The following GNB1 variants were observed in gnomAD, a reference collection of about 807,000 sequenced individuals.
GNB1 encodes guanine nucleotide-binding protein G(I)/G(S)/G(T) subunit beta-1.
GNB1 carries 2 observed loss-of-function variants against 42.9 expected under a neutral mutation model. The ratio of observed to expected loss-of-function variants is 0.05; its 90% CI spans 0.02 to 0.15. The LOEUF (loss-of-function observed/expected upper bound fraction) is 0.15, where lower values mean the gene tolerates loss of function less well. GNB1 is among the 10% of genes least tolerant of loss of function. The probability of loss-of-function intolerance (pLI) is 1.00; values close to 1 mark genes in which losing one functional copy is unlikely to be tolerated. For synonymous variants in GNB1, 183 were observed against 174.7 expected (o/e 1.05, Z -0.38); for missense variants, 193 against 462.2 (o/e 0.42, Z 5.34).
intron 1 of GNB1, among the ~76,000 whole-genome samples, chr1:1,848,940 A>C (rs1311965635): frequency 6.6e-6 from 1 of 152,244 alleles, no homozygotes; most frequent in African/African-American, 2.4e-5. Context: ...TTCCGGAGTG[A>C]TAGGCATGTC....
In GNB1 at chr1:1,827,915, T is replaced by C. The variant is rs958780457; in HGVS notation, c.-46-2416A>G. Among the ~76,000 whole-genome samples the C allele has an allele frequency of 3.3e-5, 5 of 152,256 alleles. 1 individual carries two copies. Among genetic ancestry groups the C allele is most frequent in the Admixed American group, 2.0e-4 (3 of 15,292 alleles). ...AAACTGTTTTAGTTAACACACACAG[T>C]TTCTGATCATTTAAACACTAAAAAG... is the stretch of plus-strand genomic sequence containing the variant. On this transcript the variant is annotated intron_variant, in intron 2 of 11. Transcript: ENST00000378609.
At chr1:1,802,763 T>TAA (rs374872245) in intron 7 of GNB1, among the ~76,000 whole-genome samples, 34,450 of 137,312 alleles carry the variant, frequency 0.25, 4,331 homozygotes, top group Non-Finnish European at 0.27. Flanking sequence ...GACTCCATCT[T>TAA]AAAAAAAAAA....
rs375448811 is a variant in GNB1 at position 1,845,397 on chromosome 1, C to G, written c.-95-6159G>C. On this transcript the variant is annotated intron_variant, in intron 1 of 11. Coordinates refer to ENST00000378609, the MANE Select transcript of GNB1 (RefSeq NM_002074.5). ...GACCATCCTAGCTAACTCAGTGAAACCCCGTCTCTACTAAAAATACAAAAA... is the reference window on the plus strand; with the variant it reads ...GACCATCCTAGCTAACTCAGTGAAAGCCCGTCTCTACTAAAAATACAAAAA... Among the ~76,000 whole-genome samples, 28 of 152,186 alleles carry G rather than the reference C, an allele frequency of 1.8e-4. 1 individual carries two copies. In the South Asian group the frequency reaches 3.7e-3, roughly 20 times the overall value.
At chr1:1,862,189 T>G (rs111295491) in intron 1 of GNB1, among the ~76,000 whole-genome samples, 2,397 of 152,286 alleles carry the variant, frequency 0.016, 66 homozygotes, top group African/African-American at 0.054. Flanking sequence ...GCCACTGCAC[T>G]CCGCCTGGGT....
Position 1,875,846 on chromosome 1 carries a change from C to G in GNB1, c.-96+14974G>C, listed in dbSNP as rs558591260. Among the ~76,000 whole-genome samples, 1,389 of 152,158 alleles carry G rather than the reference C, an allele frequency of 9.1e-3. 23 individuals are homozygous for G. Among genetic ancestry groups the G allele is most frequent in the African/African-American group, 0.031 (1,280 of 41,498 alleles). ...AGCAGGTTCAACAGTGTCCCCCCCC[C>G]CAAAATTCATGTCTACCTGGAACCT... On this transcript the variant is annotated intron_variant, in intron 1 of 11. Transcript: ENST00000378609.
intron 1 of GNB1, among the ~76,000 whole-genome samples, chr1:1,880,987 A>G (rs1025216795): frequency 6.7e-6 from 1 of 150,196 alleles, no homozygotes; most frequent in Non-Finnish European, 1.5e-5. Flanking sequence ...AGGAAGGGAT[A>G]CATGACAAAT....
chr1:1,869,505 G>A (rs1296928137), intron 1 of GNB1, among the ~76,000 whole-genome samples: 1 of 152,176 alleles, frequency 6.6e-6, no homozygotes. Context: ...AGGTCCATCA[G>A]GAACTGGAGC....
chr1:1,790,822 T>A lies in GNB1; in HGVS notation c.498-226A>T, dbSNP rs1289050626. Reference sequence around the variant, plus strand: ...ACAGAGATGAGCACAGGGCCTGGGCTTCAGAATGACGGGATCGCTACCTCA... The same window carrying A: ...ACAGAGATGAGCACAGGGCCTGGGCATCAGAATGACGGGATCGCTACCTCA... On this transcript the variant is annotated intron_variant, in intron 8 of 11. Transcript: ENST00000378609. This position sits in a 1 kb window ranked among gnomAD's most constrained non-coding sequence, Gnocchi z 5.4. 2.0e-5 allele frequency among the ~76,000 whole-genome samples: 3 copies of A among 152,142 alleles called. No individual in the cohort carries two copies. Among genetic ancestry groups the A allele is most frequent in the African/African-American group, 7.2e-5 (3 of 41,442 alleles).
chr1:1,853,841 T>C (rs956137279), intron 1 of GNB1, among the ~76,000 whole-genome samples: 1 of 152,134 alleles, frequency 6.6e-6, no homozygotes, highest in African/African-American at 2.4e-5. Flanking sequence ...CAGAGTAAAG[T>C]AAGCACAAAT....
chr1:1,841,908 C>T (rs181981621), intron 1 of GNB1, among the ~76,000 whole-genome samples: 236 of 152,320 alleles, frequency 1.5e-3, no homozygotes, highest in African/African-American at 5.6e-3. Context: ...ATGTTCTTAG[C>T]AGCAGTACTC....
At chr1:1,808,695 G>A (rs1646735728) in intron 5 of GNB1, among the ~76,000 whole-genome samples, 1 of 152,158 alleles carries the variant, frequency 6.6e-6, no homozygotes, top group Non-Finnish European at 1.5e-5. Context: ...CCAGGCTGGA[G>A]TGCAGTGGTG....
At position 1,838,280 on chromosome 1, in the gene GNB1, A is replaced by G. The variant is rs535470889; in HGVS notation, c.-47+910T>C. On this transcript the variant is annotated intron_variant, in intron 2 of 11. Coordinates refer to ENST00000378609, the MANE Select transcript of GNB1 (RefSeq NM_002074.5). ...TAATTTTGCTTTTTAATTTAAAATT[A>G]TTTCAAACTTCAAAGAGTTGCAAGA... 1.2e-4 allele frequency among the ~76,000 whole-genome samples: 18 copies of G among 152,300 alleles called. 1 individual carries two copies. The highest frequency in any genetic ancestry group is 8.5e-4 in the Admixed American group (13 of 15,300).
rs1207682729 is a variant in GNB1 at position 1,837,821 on chromosome 1, C to T, written c.-47+1369G>A. ...CTGATGATCTGCCCACCTTGGCCTC[C>T]CAAAATGCTGGGATTACAGGTGAGC... On this transcript the variant is annotated intron_variant, in intron 2 of 11. Coordinates refer to ENST00000378609, the MANE Select transcript of GNB1 (RefSeq NM_002074.5). Among the ~76,000 whole-genome samples, 3 of 151,894 alleles carry T rather than the reference C, an allele frequency of 2.0e-5. No individual in the cohort carries two copies. In the South Asian group the frequency reaches 6.2e-4, roughly 32 times the overall value.
At chr1:1,885,096 G>A (rs1446196172) in intron 1 of GNB1, among the ~76,000 whole-genome samples, 2 of 151,776 alleles carry the variant, frequency 1.3e-5, no homozygotes, top group Non-Finnish European at 2.9e-5. Flanking sequence ...TTTATCTATG[G>A]CAAAATAGGT....
At chr1:1,854,883 G>A (rs566873153) in intron 1 of GNB1, among the ~76,000 whole-genome samples, 6 of 151,950 alleles carry the variant, frequency 3.9e-5, no homozygotes, top group South Asian at 4.2e-4. Flanking sequence ...AAATACATCC[G>A]GGCGTGGTGG....
chr1:1,816,868 G>C (rs372400236), intron 4 of GNB1, among the ~76,000 whole-genome samples: 5 of 151,898 alleles, frequency 3.3e-5, no homozygotes, highest in African/African-American at 4.8e-5. Flanking sequence ...GGCTGGTCTC[G>C]AACTCCTGAC....
At chr1:1,864,242 G>A (rs1206885799) in intron 1 of GNB1, among the ~76,000 whole-genome samples, 1 of 149,228 alleles carries the variant, frequency 6.7e-6, no homozygotes, top group African/African-American at 2.5e-5. Flanking sequence ...GAGTTGCTTG[G>A]GAGGCGGAGG....
At chr1:1,857,305 G>GGGCT (rs34483468) in intron 1 of GNB1, among the ~76,000 whole-genome samples, 21,480 of 151,998 alleles carry the variant, frequency 0.14, 1,797 homozygotes, top group Middle Eastern at 0.3. Context: ...ATGGCTCTTG[G>GGGCT]GGCTGGCTGG....
At chr1:1,846,568 A>AAATCAATC (rs201437769) in intron 1 of GNB1, among the ~76,000 whole-genome samples, 4 of 152,004 alleles carry the variant, frequency 2.6e-5, no homozygotes, top group Non-Finnish European at 4.4e-5. Flanking sequence ...CTCCATCTCA[A>AAATCAATC]AATCAATCAA....
Sources: allele counts gnomAD v4.1 joint callset (sites outside exome capture counted in the v4.1 genomes callset), GRCh38; gene constraint gnomAD v4.1.1; non-coding constraint Gnocchi (gnomAD v3.1); transcripts MANE v1.5; gene names NCBI Gene and HGNC (gene_info 2026-07-23, HGNC 2026-07-21).